ZFP64: variants seen among roughly 807,000 people sequenced by gnomAD.
ZFP64 encodes the protein ZFP64 zinc finger protein, also known as zinc finger protein 64.
Under a neutral mutation model 51.6 loss-of-function variants are expected in ZFP64, and 14 were observed. That is an observed-to-expected ratio of 0.27 (90% confidence interval 0.18 to 0.42). ZFP64 has a LOEUF of 0.42. Among genes scored for constraint, ZFP64 ranks in the 10% least tolerant of loss-of-function variants. ZFP64 has a pLI of 1.00. For missense variants in ZFP64, 754 were observed against 906.8 expected, an observed-to-expected ratio of 0.83 and a Z score of 2.16; for synonymous variants, 375 against 361.4, an observed-to-expected ratio of 1.04 and a Z score of -0.43.
rs768803312 is a variant in ZFP64 at position 52,152,518 on chromosome 20, C to G, written c.1674G>C (p.Pro558=). 3 of 1,601,860 alleles carry G rather than the reference C, an allele frequency of 1.9e-6. No homozygotes were observed. The highest frequency in any genetic ancestry group is 1.7e-6 in the Non-Finnish European group (2 of 1,175,190). The change falls in exon 6 of 6, where the codon CCG becomes CCC. Residue 558 remains proline, a synonymous_variant. Coordinates refer to ENST00000216923, the MANE Select transcript of ZFP64 (RefSeq NM_018197.3). ...LIAPPQSSRC[P]SEAGAMTQPA... ...GCTGGGTCATTGCGCCCGCCTCGCT[C>G]GGACACCGCGAGGACTGAGGGGGGG...
chr20:52,108,861 AACACACACACACACAC>A (rs57127987), intron 5 of ZFP64, among the ~76,000 whole-genome samples: 53 of 139,750 alleles, frequency 3.8e-4, no homozygotes, highest in African/African-American at 1.2e-3. Context: ...GAAAATCTGA[AACACACACACACACAC>A]ACACACACAC....
rs190026459 is a variant in ZFP64 at position 52,144,528 on chromosome 20, C to T, written c.763+15595G>A. Among the ~76,000 whole-genome samples, 688 of 133,396 alleles carry T rather than the reference C, an allele frequency of 5.2e-3. 6 individuals are homozygous for T. Among genetic ancestry groups the T allele is most frequent in the African/African-American group, 0.018 (639 of 34,772 alleles). The allele number at this position is 133,396 out of a possible 152,430, so 87.5% of individuals were successfully genotyped here. A position where few individuals can be genotyped will look rare whatever the true frequency, so the allele number is the denominator to read the frequency against. ...TCGAGAGGTGGAGGTTGCAGTGAGC[C>T]GAGATCGCGCCACTGCACTCCAGCC... On this transcript the variant is annotated intron_variant, in intron 5 of 8. Transcript: ENST00000361387.
At chr20:52,140,731 C>T (rs1980211948) in intron 5 of ZFP64, among the ~76,000 whole-genome samples, 1 of 152,026 alleles carries the variant, frequency 6.6e-6, no homozygotes, top group South Asian at 2.1e-4. Context: ...CAGCTAAGAT[C>T]GTTGATGAAG....
chr20:52,115,404 C>T (rs974593570), intron 5 of ZFP64, among the ~76,000 whole-genome samples: 4 of 149,270 alleles, frequency 2.7e-5, no homozygotes, highest in African/African-American at 9.9e-5. Context: ...AATACATGCT[C>T]GCTACAGCTT....
chr20:52,153,557 C>T lies in ZFP64; in HGVS notation c.764-129G>A. Reference sequence around the variant, plus strand: ...CAGACCTCCTAACTGCAGCTTCTAGCAGCCCCTGGCAGTGGGGGAAGAGGG... The same window carrying T: ...CAGACCTCCTAACTGCAGCTTCTAGTAGCCCCTGGCAGTGGGGGAAGAGGG... On this transcript the variant is annotated intron_variant, in intron 5 of 5. Transcript: ENST00000216923. The surrounding 1 kb of genome is among the most constrained non-coding windows in gnomAD (Gnocchi z 5.1). 6 of 1,354,294 alleles carry T rather than the reference C, an allele frequency of 4.4e-6. No individual in the cohort carries two copies. Among genetic ancestry groups the T allele is most frequent in the Non-Finnish European group, 5.8e-6 (6 of 1,029,100 alleles). 83.9% of individuals were successfully genotyped at this position (1,354,294 alleles called of 1,614,324 possible).
chr20:52,185,184 G>A (rs1022567393), intron 2 of ZFP64, among the ~76,000 whole-genome samples: 1 of 151,814 alleles, frequency 6.6e-6, no homozygotes, highest in African/African-American at 2.4e-5. Flanking sequence ...ACACCACGCT[G>A]GGCTAGTTTT....
intron 2 of ZFP64, among the ~76,000 whole-genome samples, chr20:52,168,376 AT>A (rs1003423850): frequency 4.6e-5 from 7 of 152,210 alleles, no homozygotes; most frequent in South Asian, 2.1e-4. Flanking sequence ...GGATCTGGCT[AT>A]TTCTCCTGGT....
At chr20:52,118,899 T>C (rs1224592173) in intron 5 of ZFP64, among the ~76,000 whole-genome samples, 1 of 152,116 alleles carries the variant, frequency 6.6e-6, no homozygotes, top group East Asian at 1.9e-4. Context: ...TGCCAACACA[T>C]TGGGAGGCCA....
chr20:52,153,202 G>C lies in ZFP64; in HGVS notation c.990C>G (p.Leu330=). The change falls in exon 6 of 6, where the codon CTC becomes CTG. Residue 330 remains leucine (L), a synonymous_variant. Coordinates refer to ENST00000216923, the MANE Select transcript of ZFP64 (RefSeq NM_018197.3). This position sits in a 1 kb window ranked among gnomAD's most constrained non-coding sequence, Gnocchi z 5.1. ...ACTGGTGCACGCGGCTGTGCTTCCG[G>C]AGGGTGGCTTTGCTGTCACCCAGGA... ...CDFLGDSKAT[L]RKHSRVHQSE... 1 of 1,614,178 alleles carries C rather than the reference G, an allele frequency of 6.2e-7. No individual in the cohort carries two copies. The highest frequency in any genetic ancestry group is 8.5e-7 in the Non-Finnish European group (1 of 1,180,010).
chr20:52,090,571 T>C (rs886634726), intron 7 of ZFP64, among the ~76,000 whole-genome samples: 5 of 151,720 alleles, frequency 3.3e-5, no homozygotes, highest in Non-Finnish European at 7.4e-5. Context: ...GGGGCCAAGG[T>C]GGGCAGATCA....
At chr20:52,168,669 T>C (rs1053204579) in intron 2 of ZFP64, among the ~76,000 whole-genome samples, 15 of 152,232 alleles carry the variant, frequency 9.9e-5, no homozygotes, top group African/African-American at 3.4e-4. Flanking sequence ...CCTCTCTCGG[T>C]TGTTGCTTTG....
chr20:52,166,462 T>A (rs1046500819), intron 2 of ZFP64, among the ~76,000 whole-genome samples: 16 of 151,998 alleles, frequency 1.1e-4, no homozygotes, highest in African/African-American at 3.6e-4. Context: ...TTTTTTCTTT[T>A]TTTTTTTTCT....
chr20:52,098,376 G>A (rs2079014630), intron 6 of ZFP64: 12 of 1,591,918 alleles, frequency 7.5e-6, no homozygotes, highest in South Asian at 3.3e-5. Context: ...AGAGATTCAC[G>A]TAGGGCTTGC....
rs551108134 is a variant in ZFP64, at chr20:52,090,436, T to C, written c.977-1793A>G. 2.0e-5 allele frequency among the ~76,000 whole-genome samples: 3 copies of C among 152,230 alleles called. No homozygotes were observed. The South Asian group carries it at 6.2e-4, about 32-fold the overall frequency. ...AATAAGGGTGATGGTGAAGGTAAGA[T>C]GGCAATATGAGAAAATACTACAATG... On this transcript the variant is annotated intron_variant, in intron 7 of 8. Transcript: ENST00000361387.
rs1362900714 is a variant in ZFP64, at chr20:52,191,371, C to A, written c.46+220G>T. 6.6e-6 allele frequency among the ~76,000 whole-genome samples: 1 copy of A among 152,142 alleles called. No individual in the cohort carries two copies. Among genetic ancestry groups the A allele is most frequent in the Non-Finnish European group, 1.5e-5 (1 of 68,008 alleles). On this transcript the variant is annotated intron_variant, in intron 1 of 5. Coordinates refer to ENST00000216923, the MANE Select transcript of ZFP64 (RefSeq NM_018197.3). The surrounding 1 kb of genome is among the most constrained non-coding windows in gnomAD (Gnocchi z 4.3). ...CAAGGGGTCTCGCAAGGCTGGAGAG[C>A]GCCCCCGGTCTTGCGCCAGGTCGGG...
At chr20:52,171,688 C>T (rs1221536673) in intron 2 of ZFP64, among the ~76,000 whole-genome samples, 1 of 150,500 alleles carries the variant, frequency 6.6e-6, no homozygotes, top group Non-Finnish European at 1.5e-5. Flanking sequence ...CAGAGTTTCA[C>T]CATGTTGGCC....
intron 5 of ZFP64, among the ~76,000 whole-genome samples, chr20:52,100,689 G>C (rs1432799830): frequency 6.6e-6 from 1 of 152,242 alleles, no homozygotes; most frequent in Non-Finnish European, 1.5e-5. Context: ...ATGAGAGGCT[G>C]TAGAGCACAG....
intron 5 of ZFP64, among the ~76,000 whole-genome samples, chr20:52,119,727 C>T (rs1425911654): frequency 6.6e-6 from 1 of 151,118 alleles, no homozygotes; most frequent in East Asian, 2.0e-4. Flanking sequence ...AAGACTCTGT[C>T]TCAAAACAAA....
Position 52,152,611 on chromosome 20 carries a change from C to G in ZFP64, c.1581G>C (p.Val527=). The G allele has an allele frequency of 6.5e-7, 1 of 1,539,172 alleles. No individual in the cohort carries two copies. ...AAVNIVPPAL[V]AQNPEELPGN... The stretch of plus-strand genomic sequence containing the variant: ...CTGGGAGTTCCTCTGGGTTCTGGGC[C>G]ACCAAGGCAGGCGGGACGATGTTCA... The change falls in exon 6 of 6, where the codon GTG becomes GTC. Residue 527 remains valine (V), a synonymous_variant. Coordinates refer to ENST00000216923, the MANE Select transcript of ZFP64 (RefSeq NM_018197.3).
Sources: gnomAD v4.1 joint callset for allele counts (sites outside exome capture counted in the v4.1 genomes callset) on GRCh38, gnomAD v4.1.1 for gene constraint, Gnocchi (gnomAD v3.1) non-coding constraint, MANE v1.5 for transcripts, NCBI Gene and HGNC (gene_info 2026-07-23, HGNC 2026-07-21) for gene names.